Variants in ALMS1 observed in about 807,000 individuals in gnomAD.
ALMS1 encodes ALMS1 centrosome and basal body associated protein, also known as centrosome-associated protein ALMS1.
ALMS1 carries 271 observed loss-of-function variants against 352.2 expected under a neutral mutation model. The observed-to-expected ratio is 0.77, with a 90% CI of 0.70 to 0.85. The LOEUF is 0.85. ALMS1 is among the 40% of genes least tolerant of loss of function. The pLI is 0.00. For synonymous variants in ALMS1, 1,865 were observed against 1,761.2 expected (o/e 1.06, Z -1.48); for missense variants, 5,445 against 4,870.7 (o/e 1.12, Z -3.51).
intron 13 of ALMS1, among the ~76,000 whole-genome samples, chr2:73,555,178 A>C (rs1232602476): frequency 1.3e-5 from 2 of 152,208 alleles, no homozygotes; most frequent in Admixed American, 6.5e-5. Flanking sequence ...ACGTATATTT[A>C]AAGAATAAGA....
intron 12 of ALMS1, among the ~76,000 whole-genome samples, chr2:73,544,426 T>A: frequency 6.6e-6 from 1 of 152,054 alleles, no homozygotes. Context: ...AATGACGAGT[T>A]AATGGGTGCA....
At chr2:73,472,260 T>G (rs538921357) in intron 9 of ALMS1, among the ~76,000 whole-genome samples, 1 of 152,096 alleles carries the variant, frequency 6.6e-6, no homozygotes, top group African/African-American at 2.4e-5. Flanking sequence ...ATTGGGAAAT[T>G]TATAAACAAG....
chr2:73,498,199 T>C (rs142399404), intron 10 of ALMS1, among the ~76,000 whole-genome samples: 34 of 152,278 alleles, frequency 2.2e-4, no homozygotes, highest in African/African-American at 7.7e-4. Flanking sequence ...TACCTTGATG[T>C]TGGTGGCTGC....
rs1039388814 is a variant in ALMS1 at position 73,449,540 on chromosome 2, C to T, written c.3013C>T (p.His1005Tyr). 6 of 1,614,044 alleles carry T rather than the reference C, an allele frequency of 3.7e-6. No individual in the cohort carries two copies. Among genetic ancestry groups the T allele is most frequent in the Non-Finnish European group, 5.1e-6 (6 of 1,179,968 alleles). The change falls in exon 8 of 23, where the codon CAT (histidine) becomes TAT (tyrosine). Residue 1005 changes from histidine to tyrosine, a missense_variant. His to Tyr is a moderately conservative substitution (Grantham distance 83). Transcript: ENST00000613296. ...AACAGTACCTTCAGGTTCCTTCTCA[C>T]ATAGAGAGAAGCCCAGTATTTTCTA... ...TPTVPSGSFS[H>Y]REKPSIFYQQ...
At chr2:73,508,385 T>G (rs931589153) in intron 10 of ALMS1, among the ~76,000 whole-genome samples, 13 of 151,882 alleles carry the variant, frequency 8.6e-5, no homozygotes, top group Non-Finnish European at 1.6e-4. Context: ...TTTTGTATTT[T>G]TAGTAGAGAC....
chr2:73,439,704 C>T (rs1032509964), intron 7 of ALMS1, among the ~76,000 whole-genome samples: 1 of 151,878 alleles, frequency 6.6e-6, no homozygotes, highest in Non-Finnish European at 1.5e-5. Flanking sequence ...CCATACCAGG[C>T]TAATTTTTGT....
chr2:73,535,181 G>A (rs1674001477), intron 12 of ALMS1, among the ~76,000 whole-genome samples: 3 of 152,072 alleles, frequency 2.0e-5, no homozygotes, highest in African/African-American at 7.2e-5. Context: ...TTGGGTTAGT[G>A]GGCTCCATCT....
chr2:73,490,335 A>C lies in ALMS1; in HGVS notation c.8376A>C (p.Arg2792Ser), dbSNP rs878942028. The C allele has an allele frequency of 6.2e-7, 1 of 1,612,342 alleles. No homozygotes were observed. The highest frequency in any genetic ancestry group is 8.5e-7 in the Non-Finnish European group (1 of 1,179,244). Residue 2792 changes from arginine to serine, a missense_variant, in exon 10 of 23, where the codon AGA becomes AGC. Transcript: ENST00000613296. ...DKEVTILAEG[R>S]RQSQKLPVDF... ...AAGTGACTATTTTAGCAGAAGGTAGAAGGCAAAGCCAAAAATTACCTGTTG... is the reference window on the plus strand; with the variant it reads ...AAGTGACTATTTTAGCAGAAGGTAGCAGGCAAAGCCAAAAATTACCTGTTG...
At chr2:73,485,675 C>G (rs906141580) in intron 9 of ALMS1, among the ~76,000 whole-genome samples, 1 of 152,184 alleles carries the variant, frequency 6.6e-6, no homozygotes, top group Admixed American at 6.5e-5. Flanking sequence ...CCCCCAGCCT[C>G]GCTGCCACCT....
chr2:73,465,298 C>T (rs1160500359), intron 9 of ALMS1, among the ~76,000 whole-genome samples: 2 of 152,108 alleles, frequency 1.3e-5, no homozygotes, highest in African/African-American at 4.8e-5. Context: ...AGATATAGAT[C>T]AATGGAACAG....
rs1245467740 is a variant in ALMS1 at position 73,490,099 on chromosome 2, T to C, written c.8140T>C (p.Ser2714Pro). 1.2e-6 allele frequency: 2 copies of C among 1,614,056 alleles called. No individual in the cohort carries two copies. The highest frequency in any genetic ancestry group is 1.7e-5 in the Admixed American group (1 of 60,000). ...AGAACCCATGAAAAAGTTTACTACC[T>C]CCATCACTTTTTCATCTCACCGACA... is the stretch of plus-strand genomic sequence containing the variant. ...SPEPMKKFTTSITFSSHRHSK... is the reference protein window; with the variant it reads ...SPEPMKKFTTPITFSSHRHSK... The change falls in exon 10 of 23, where the codon TCC becomes CCC. Residue 2714 changes from serine (S) to proline (P), a missense_variant. Coordinates refer to ENST00000613296, the MANE Select transcript of ALMS1 (RefSeq NM_001378454.1).
At chr2:73,425,628 A>G (rs554011548) in intron 5 of ALMS1, among the ~76,000 whole-genome samples, 1 of 152,318 alleles carries the variant, frequency 6.6e-6, no homozygotes, top group South Asian at 2.1e-4. Flanking sequence ...GAAAGAGAGT[A>G]CAGTAAATGA....
intron 7 of ALMS1, among the ~76,000 whole-genome samples, chr2:73,447,589 T>C (rs930751722): frequency 5.3e-5 from 8 of 152,098 alleles, no homozygotes; most frequent in African/African-American, 9.7e-5. Flanking sequence ...CTGAAGACCT[T>C]ATGTCTTCTG....
intron 9 of ALMS1, among the ~76,000 whole-genome samples, chr2:73,465,696 G>C (rs75003420): frequency 0.55 from 82,110 of 148,296 alleles, 24,290 homozygotes; most frequent in East Asian, 0.77. Context: ...TCAGAGTGAA[G>C]AGGAAACCTA....
chr2:73,432,583 G>A (rs556588311), intron 7 of ALMS1, among the ~76,000 whole-genome samples: 3 of 152,268 alleles, frequency 2.0e-5, no homozygotes, highest in Non-Finnish European at 4.4e-5. Context: ...TGTCATAGAT[G>A]ACATGTTCCT....
At chr2:73,469,441 T>C (rs1672424043) in intron 9 of ALMS1, 1 of 151,890 alleles carries the variant, frequency 6.6e-6, no homozygotes, top group African/African-American at 2.4e-5. Flanking sequence ...GCATGCCAGA[T>C]ATACCACTTA....
chr2:73,563,188 G>A (rs1244678157), intron 15 of ALMS1, among the ~76,000 whole-genome samples: 3 of 151,668 alleles, frequency 2.0e-5, no homozygotes, highest in South Asian at 2.1e-4. Context: ...ACTGAGAAAG[G>A]TGGAAAGCAA....
chr2:73,514,898 G>A (rs1673525121), intron 10 of ALMS1, among the ~76,000 whole-genome samples: 1 of 152,078 alleles, frequency 6.6e-6, no homozygotes, highest in African/African-American at 2.4e-5. Context: ...TTGATTTTCA[G>A]CAGTTTGGCT....
chr2:73,550,229 C>T, intron 12 of ALMS1, 38 bp from the exon 13 acceptor site: 1 of 1,611,116 alleles, frequency 6.2e-7, no homozygotes, highest in South Asian at 1.1e-5. Flanking sequence ...TCTCATGTCG[C>T]TATTTGTGTT....
Sources: gnomAD v4.1 joint callset for allele counts (sites outside exome capture counted in the v4.1 genomes callset) on GRCh38, gnomAD v4.1.1 for gene constraint, MANE v1.5 for transcripts, NCBI Gene and HGNC (gene_info 2026-07-23, HGNC 2026-07-21) for gene names.